Variants in PTPRK observed in about 807,000 individuals in gnomAD.
The protein encoded by PTPRK is protein tyrosine phosphatase receptor type K, also known as receptor-type tyrosine-protein phosphatase kappa.
PTPRK carries 75 observed loss-of-function variants against 178.0 expected under a neutral mutation model. The ratio of observed to expected loss-of-function variants is 0.42; its 90% CI spans 0.35 to 0.51. PTPRK has a LOEUF of 0.51. Among genes scored for constraint, PTPRK ranks in the 20% least tolerant of loss-of-function variants. PTPRK has a pLI of 0.02. For synonymous variants in PTPRK, 637 were observed against 620.6 expected, an observed-to-expected ratio of 1.03 and a Z score of -0.39; for missense variants, 1,441 against 1,797.8, an observed-to-expected ratio of 0.80 and a Z score of 3.59.
At chr6:128,396,945 C>T (rs1379708168) in intron 2 of PTPRK, among the ~76,000 whole-genome samples, 1 of 152,164 alleles carries the variant, frequency 6.6e-6, no homozygotes, top group Admixed American at 6.5e-5. Context: ...TCGCAGTGAG[C>T]AGAGATCAGG....
At chr6:128,184,793 A>T (rs1254610565) in intron 6 of PTPRK, 68 bp from the exon 7 acceptor site, 1 of 1,443,054 alleles carries the variant, frequency 6.9e-7, no homozygotes, top group Non-Finnish European at 9.4e-7. Flanking sequence ...TTAGTGTCTA[A>T]TAAGGCCTAA....
At chr6:128,133,844 A>C (rs1229178590) in intron 7 of PTPRK, among the ~76,000 whole-genome samples, 2 of 152,010 alleles carry the variant, frequency 1.3e-5, no homozygotes, top group Admixed American at 1.3e-4. Flanking sequence ...CAGCCACTAC[A>C]CCTAGCCTAA....
intron 3 of PTPRK, among the ~76,000 whole-genome samples, chr6:128,255,588 T>TA (rs1450102061): frequency 6.6e-6 from 1 of 152,268 alleles, no homozygotes; most frequent in African/African-American, 2.4e-5. Flanking sequence ...TTAACCTGTT[T>TA]AACCTTTGCA....
intron 7 of PTPRK, among the ~76,000 whole-genome samples, chr6:128,170,903 C>CAAA (rs201323667): frequency 1.5e-5 from 2 of 129,724 alleles, no homozygotes; most frequent in African/African-American, 2.9e-5. Context: ...AGTAAGAAAG[C>CAAA]AAAAAAAAAA....
intron 1 of PTPRK, among the ~76,000 whole-genome samples, chr6:128,468,538 A>G (rs1850194984): frequency 1.3e-5 from 2 of 152,294 alleles, no homozygotes; most frequent in South Asian, 2.1e-4. Flanking sequence ...AGTTTGTATT[A>G]CTGTTAAATA....
At chr6:128,130,624 C>T (rs1794078925) in intron 7 of PTPRK, among the ~76,000 whole-genome samples, 1 of 152,262 alleles carries the variant, frequency 6.6e-6, no homozygotes. Context: ...CAAACTAATC[C>T]TGATCACCGT....
At chr6:128,217,016 C>T (rs549847543) in intron 6 of PTPRK, among the ~76,000 whole-genome samples, 8 of 152,248 alleles carry the variant, frequency 5.3e-5, no homozygotes, top group African/African-American at 1.7e-4. Flanking sequence ...ATTGTGAACG[C>T]ATATATGGTA....
chr6:128,038,879 T>C (rs953646208), intron 13 of PTPRK, among the ~76,000 whole-genome samples: 4 of 152,180 alleles, frequency 2.6e-5, no homozygotes, highest in Non-Finnish European at 5.9e-5. Flanking sequence ...AGTGTTATCA[T>C]TAACTGAATC....
Position 128,082,554 on chromosome 6 carries a change from T to C in PTPRK, c.1660A>G (p.Thr554Ala). The C allele has an allele frequency of 2.5e-6, 4 of 1,612,330 alleles. No homozygotes were observed. The South Asian group carries it at 4.4e-5, about 18-fold the overall frequency. ...PQTVSNLWNS[T>A]HHVFMHLHPG... Reference sequence around the variant, plus strand: ...TGGAGATGCATAAAGACATGGTGTGTACTGTTCCATAAATTTGATACAGTC... The same window carrying C: ...TGGAGATGCATAAAGACATGGTGTGCACTGTTCCATAAATTTGATACAGTC... The change falls in exon 10 of 30, where the codon ACA becomes GCA. Residue 554 changes from threonine to alanine, a missense_variant. By Grantham distance (58) the Thr-to-Ala change is moderately conservative. Coordinates refer to ENST00000368226, the MANE Select transcript of PTPRK (RefSeq NM_002844.4).
intron 7 of PTPRK, among the ~76,000 whole-genome samples, chr6:128,184,043 C>T (rs1376669810): frequency 2.0e-5 from 3 of 152,238 alleles, no homozygotes; most frequent in Middle Eastern, 3.4e-3. Flanking sequence ...CTGACTGTAA[C>T]AAAATTACTG....
At chr6:128,012,367 T>A (rs1359576395) in intron 13 of PTPRK, among the ~76,000 whole-genome samples, 1 of 151,336 alleles carries the variant, frequency 6.6e-6, no homozygotes, top group African/African-American at 2.4e-5. Context: ...CAGTAGCCCC[T>A]AAGTCAGCAT....
chr6:128,137,835 C>A (rs1296834294), intron 7 of PTPRK, among the ~76,000 whole-genome samples: 1 of 151,898 alleles, frequency 6.6e-6, no homozygotes, highest in Non-Finnish European at 1.5e-5. Context: ...ACATTCCAGG[C>A]AGTAAAGGAA....
At chr6:128,456,998 C>T (rs899870989) in intron 1 of PTPRK, among the ~76,000 whole-genome samples, 6 of 152,138 alleles carry the variant, frequency 3.9e-5, no homozygotes, top group African/African-American at 1.2e-4. Context: ...CCTATTTGGT[C>T]CTGCAGTGAA....
intron 1 of PTPRK, among the ~76,000 whole-genome samples, chr6:128,463,935 T>C (rs1849421967): frequency 6.6e-6 from 1 of 151,594 alleles, no homozygotes; most frequent in South Asian, 2.1e-4. Context: ...TATTTTTTTT[T>C]AGTAGAGATG....
At chr6:128,253,770 ACT>A (rs1163151574) in intron 3 of PTPRK, among the ~76,000 whole-genome samples, 1 of 152,228 alleles carries the variant, frequency 6.6e-6, no homozygotes, top group Non-Finnish European at 1.5e-5. Context: ...TGCTTATGAA[ACT>A]CAAGAAAATT....
chr6:128,252,200 T>G (rs755706168), intron 3 of PTPRK, among the ~76,000 whole-genome samples: 1 of 152,204 alleles, frequency 6.6e-6, no homozygotes, highest in Non-Finnish European at 1.5e-5. Context: ...GCATACTACA[T>G]TCCTATGTTT....
rs1032669953 is a variant in PTPRK, at chr6:128,482,290, A to T, written c.100+37969T>A. Among the ~76,000 whole-genome samples the T allele has an allele frequency of 2.6e-5, 4 of 152,194 alleles. No individual in the cohort carries two copies. In the East Asian group the frequency reaches 7.7e-4, roughly 29 times the overall value. ...ATTTGGAAATACATTTCGGAGTTGC[A>T]TCTCTGTTTACATTTTCTCATAGTT... On this transcript the variant is annotated intron_variant, in intron 1 of 29. Transcript: ENST00000368226.
intron 1 of PTPRK, among the ~76,000 whole-genome samples, chr6:128,433,288 C>A (rs76122104): frequency 0.014 from 2,186 of 152,224 alleles, 57 homozygotes; most frequent in African/African-American, 0.05. Flanking sequence ...CCACACACAC[C>A]CTTCCCAGCC....
intron 19 of PTPRK, among the ~76,000 whole-genome samples, chr6:127,991,919 T>G (rs1776654147): frequency 1.3e-5 from 2 of 151,784 alleles, no homozygotes; most frequent in African/African-American, 4.8e-5. Context: ...TGTTCACCAC[T>G]ATGGTCGATC....
Sources: gnomAD v4.1 joint callset for allele counts (sites outside exome capture counted in the v4.1 genomes callset) on GRCh38, gnomAD v4.1.1 for gene constraint, MANE v1.5 for transcripts, NCBI Gene and HGNC (gene_info 2026-07-23, HGNC 2026-07-21) for gene names.